Variants in EDARADD observed in about 807,000 individuals in gnomAD.
The protein encoded by EDARADD is EDAR associated via death domain.
A neutral mutation model predicts 25.6 loss-of-function variants in EDARADD; 20 were observed. The ratio of observed to expected loss-of-function variants is 0.78; its 90% confidence interval spans 0.55 to 1.14. EDARADD has a LOEUF of 1.14. Among genes scored for constraint, EDARADD ranks in the 50% most tolerant of loss-of-function variants. The pLI is 0.00. For synonymous variants in EDARADD, 86 were observed against 94.4 expected (o/e 0.91, Z 0.52); for missense variants, 225 against 270.1 (o/e 0.83, Z 1.17).
chr1:236,469,264 A>G (rs1659298211), intron 5 of EDARADD, among the ~76,000 whole-genome samples: 1 of 152,178 alleles, frequency 6.6e-6, no homozygotes. Context: ...ACTTGAGGCC[A>G]GGAGTTCAAG....
chr1:236,399,846 A>G (rs965522558), intron 1 of EDARADD, among the ~76,000 whole-genome samples: 3 of 152,204 alleles, frequency 2.0e-5, no homozygotes, highest in African/African-American at 4.8e-5. Context: ...GAGACTCCAC[A>G]CCGCAGGGCT....
intron 4 of EDARADD, among the ~76,000 whole-genome samples, chr1:236,448,841 C>T (rs1173059015): frequency 6.6e-6 from 1 of 152,184 alleles, no homozygotes; most frequent in Non-Finnish European, 1.5e-5. Context: ...GATTTCTTTG[C>T]AGATACAAAA....
intron 4 of EDARADD, among the ~76,000 whole-genome samples, chr1:236,463,984 T>G (rs1659111955): frequency 6.6e-6 from 1 of 151,262 alleles, no homozygotes; most frequent in Admixed American, 6.6e-5. Flanking sequence ...AGACCGGGGG[T>G]TTGGAGAAGG....
chr1:236,355,414 T>C (rs1666961816), intron 3 of EDARADD, among the ~76,000 whole-genome samples: 1 of 151,954 alleles, frequency 6.6e-6, no homozygotes, highest in Non-Finnish European at 1.5e-5. Flanking sequence ...CTCTAATCTC[T>C]CTTTGATGTT....
Position 236,484,537 on chromosome 1 carries a change from G to C in EDARADD, c.*1888G>C. The C allele has an allele frequency of 1.5e-6, 2 of 1,320,960 alleles. No homozygotes were observed. Among genetic ancestry groups the C allele is most frequent in the Non-Finnish European group, 2.1e-6 (2 of 931,760 alleles). The allele number at this position is 1,320,960 out of a possible 1,614,324, so 81.8% of individuals were successfully genotyped here. A position where few individuals can be genotyped will look rare whatever the true frequency, so the allele number is the denominator to read the frequency against. Reference sequence around the variant, plus strand: ...GACCCCTCCCCTTGTGTCAACTCCGGCAGCTCAAGACCCCCGAGCAACATT... The same window carrying C: ...GACCCCTCCCCTTGTGTCAACTCCGCCAGCTCAAGACCCCCGAGCAACATT... On this transcript the variant is annotated 3_prime_UTR_variant, in exon 6 of 6. Transcript: ENST00000334232. The surrounding 1 kb of genome is among the most constrained non-coding windows in gnomAD (Gnocchi z 4.1).
chr1:236,467,737 TA>T (rs1033930175), intron 4 of EDARADD, among the ~76,000 whole-genome samples: 3 of 151,506 alleles, frequency 2.0e-5, no homozygotes, highest in Middle Eastern at 6.9e-3. Context: ...AAAATAAAAA[TA>T]GCACATTGTT....
chr1:236,409,603 C>T (rs1168377299), intron 2 of EDARADD, among the ~76,000 whole-genome samples: 2 of 151,850 alleles, frequency 1.3e-5, no homozygotes, highest in Non-Finnish European at 2.9e-5. Context: ...GCTCTCTCAC[C>T]CAGGCTGGAG....
Position 236,395,649 on chromosome 1 carries a change from C to G in EDARADD, c.61+1144C>G. The G allele has an allele frequency of 6.3e-7, 1 of 1,576,470 alleles. No homozygotes were observed. Among genetic ancestry groups the G allele is most frequent in the Non-Finnish European group, 8.6e-7 (1 of 1,163,770 alleles). ...GCCGCCATGGCTTCACCGGACGACC[C>G]TCTGCGCGCAGGTAAAGGGACACAG... On this transcript the variant is annotated intron_variant, in intron 1 of 5. Coordinates refer to ENST00000334232, the MANE Select transcript of EDARADD (RefSeq NM_145861.4). The surrounding 1 kb of genome is among the most constrained non-coding windows in gnomAD (Gnocchi z 6.9).
chr1:236,445,234 C>CTTTTTTTTTTTTTTTTT (rs61333307), intron 4 of EDARADD, among the ~76,000 whole-genome samples: 2,192 of 89,492 alleles, frequency 0.024, 755 homozygotes, highest in Middle Eastern at 0.065. Flanking sequence ...ATAATAAATT[C>CTTTTTTTTTTTTTTTTT]TTTTTTTTTT....
chr1:236,475,484 G>A (rs13376589), intron 5 of EDARADD, among the ~76,000 whole-genome samples: 14,595 of 152,118 alleles, frequency 0.096, 1,041 homozygotes, highest in African/African-American at 0.19. Flanking sequence ...ACACACACAG[G>A]GCGAGCACTG....
At chr1:236,393,571 A>ATT (rs538135907), upstream of EDARADD, among the ~76,000 whole-genome samples, 1 of 150,984 alleles carries the variant, frequency 6.6e-6, no homozygotes, top group Non-Finnish European at 1.5e-5. Flanking sequence ...AGTTTTTTGT[A>ATT]TTTTTAGTAG....
intron 1 of EDARADD, among the ~76,000 whole-genome samples, chr1:236,408,798 G>A (rs1667782930): frequency 6.6e-6 from 1 of 151,926 alleles, no homozygotes; most frequent in African/African-American, 2.4e-5. Context: ...CTGTCTCCCA[G>A]GCTGGAGTGC....
At chr1:236,459,979 C>T (rs963512860) in intron 4 of EDARADD, among the ~76,000 whole-genome samples, 2 of 151,986 alleles carry the variant, frequency 1.3e-5, no homozygotes, top group African/African-American at 4.8e-5. Context: ...TCTGGGTTGC[C>T]TTCCTCTTCT....
At chr1:236,455,322 A>C (rs1658830829) in intron 4 of EDARADD, among the ~76,000 whole-genome samples, 2 of 152,170 alleles carry the variant, frequency 1.3e-5, no homozygotes, top group Non-Finnish European at 2.9e-5. Flanking sequence ...CGAAGTCATT[A>C]CATACAGTAT....
intron 4 of EDARADD, among the ~76,000 whole-genome samples, chr1:236,466,618 C>T (rs1335169799): frequency 1.3e-5 from 2 of 152,112 alleles, no homozygotes; most frequent in Admixed American, 6.6e-5. Context: ...TAGCTGGTAA[C>T]ACATGGGAAT....
chr1:236,410,736 C>T (rs1025742140), intron 2 of EDARADD, among the ~76,000 whole-genome samples: 7 of 152,224 alleles, frequency 4.6e-5, no homozygotes, highest in African/African-American at 1.7e-4. Context: ...GATTTAGTTA[C>T]AGCGACACAG....
At chr1:236,350,690 T>C (rs925632643) in intron 2 of EDARADD, 1 of 65,444 alleles carries the variant, frequency 1.5e-5, no homozygotes, top group Non-Finnish European at 3.0e-5. Context: ...TTCAAAGTTA[T>C]TTTCCTCCTA....
intron 4 of EDARADD, among the ~76,000 whole-genome samples, chr1:236,442,924 A>G (rs1658439430): frequency 6.6e-6 from 1 of 152,206 alleles, no homozygotes; most frequent in Non-Finnish European, 1.5e-5. Flanking sequence ...AGTAGTTGGG[A>G]GAGGTGGAGC....
Position 236,474,984 on chromosome 1 carries a change from T to A in EDARADD, c.265+6708T>A, listed in dbSNP as rs138919161. 7.3e-3 allele frequency among the ~76,000 whole-genome samples: 1,109 copies of A among 152,006 alleles called. 19 individuals are homozygous for A. Among genetic ancestry groups the A allele is most frequent in the African/African-American group, 0.026 (1,058 of 41,478 alleles). The stretch of plus-strand genomic sequence containing the variant: ...CTCGTCTCTATTAAAAATACAAAAA[T>A]TAGCCAGGTGTGGTGGCAGACACCT... On this transcript the variant is annotated intron_variant, in intron 5 of 5. Coordinates refer to ENST00000334232, the MANE Select transcript of EDARADD (RefSeq NM_145861.4).
Sources: gnomAD v4.1 joint callset for allele counts (sites outside exome capture counted in the v4.1 genomes callset) on GRCh38, gnomAD v4.1.1 for gene constraint, Gnocchi (gnomAD v3.1) non-coding constraint, MANE v1.5 for transcripts, NCBI Gene and HGNC (gene_info 2026-07-23, HGNC 2026-07-21) for gene names.